Variants in MINDY2 observed in about 807,000 individuals in gnomAD.
The protein encoded by MINDY2 is MINDY lysine 48 deubiquitinase 2.
MINDY2 carries 52 observed loss-of-function variants against 68.2 expected under a neutral mutation model. The observed-to-expected ratio is 0.76, with a 90% CI of 0.61 to 0.96. The LOEUF (loss-of-function observed/expected upper bound fraction) is 0.96. MINDY2 is among the 40% of genes least tolerant of loss of function. The pLI is 0.00. For synonymous variants in MINDY2, 372 were observed against 303.0 expected (o/e 1.23, Z -2.36); for missense variants, 881 against 773.4 (o/e 1.14, Z -1.65).
intron 7 of MINDY2, among the ~76,000 whole-genome samples, chr15:58,847,743 C>T (rs1383770931): frequency 6.6e-6 from 1 of 152,184 alleles, no homozygotes; most frequent in Non-Finnish European, 1.5e-5. Context: ...GTATTAAACA[C>T]AGAAGTGATG....
chr15:58,831,733 G>A (rs1371157412), intron 5 of MINDY2, 41 bp from the exon 6 acceptor site: 1 of 1,547,278 alleles, frequency 6.5e-7, no homozygotes, highest in Non-Finnish European at 8.7e-7. Flanking sequence ...TTTTGATTTT[G>A]AAATTATTCT....
intron 6 of MINDY2, among the ~76,000 whole-genome samples, chr15:58,844,563 A>T (rs1442250762): frequency 1.4e-5 from 2 of 144,184 alleles, no homozygotes; most frequent in African/African-American, 5.1e-5. Flanking sequence ...CCGTCTCAAA[A>T]AAAAAAAAAA....
rs1400372785 is a variant in MINDY2, at chr15:58,845,841, A to G, written c.1369-1456A>G. Among the ~76,000 whole-genome samples, 4 of 152,258 alleles carry G rather than the reference A, an allele frequency of 2.6e-5. No individual in the cohort carries two copies. In the South Asian group the frequency reaches 8.3e-4, roughly 31 times the overall value. On this transcript the variant is annotated intron_variant, in intron 6 of 8. Coordinates refer to ENST00000559228, the MANE Select transcript of MINDY2 (RefSeq NM_001040450.3). Reference sequence around the variant, plus strand: ...TGGATAAAGAAAATGTGGTACACATACACAACGGAGCACTATTCACACACA... The same window carrying G: ...TGGATAAAGAAAATGTGGTACACATGCACAACGGAGCACTATTCACACACA...
chr15:58,771,778 A>T lies in MINDY2; in HGVS notation c.383A>T (p.Asp128Val). ...GVGHELGTAG[D>V]AGARPDLAGT... is the part of the protein sequence containing the mutation. ...GGTCATGAGTTGGGTACCGCCGGAG[A>T]CGCGGGAGCCCGCCCGGATCTCGCC... Residue 128 changes from aspartate (D) to valine (V), a missense_variant, in exon 1 of 9, where the codon GAC (aspartate) becomes GTC (valine). Transcript: ENST00000559228. 6.2e-7 allele frequency: 1 copy of T among 1,610,608 alleles called. No individual in the cohort carries two copies. Among genetic ancestry groups the T allele is most frequent in the Non-Finnish European group, 8.5e-7 (1 of 1,179,138 alleles).
rs564081532 is a variant in MINDY2 at position 58,858,650 on chromosome 15, G to A, written c.*4040G>A. The A allele has an allele frequency of 5.3e-5, 8 of 152,142 alleles. No individual in the cohort carries two copies. In the South Asian group the frequency reaches 8.3e-4, roughly 16 times the overall value. 9.4% of individuals were successfully genotyped at this position (152,142 alleles called of 1,614,324 possible). On this transcript the variant is annotated 3_prime_UTR_variant, in exon 9 of 9. Coordinates refer to ENST00000559228, the MANE Select transcript of MINDY2 (RefSeq NM_001040450.3). ...TTAAGTTTTGTTAAAAAGCAAAAGC[G>A]AATTGATTACATTTGATTAACTTTT...
intron 6 of MINDY2, among the ~76,000 whole-genome samples, chr15:58,832,466 T>G (rs1337947857): frequency 6.6e-6 from 1 of 151,564 alleles, no homozygotes; most frequent in Non-Finnish European, 1.5e-5. Context: ...TGACCTCAGG[T>G]GATCGCCCGC....
intron 2 of MINDY2, 91 bp downstream of exon 2, chr15:58,788,054 T>C: frequency 1.3e-6 from 1 of 782,526 alleles, no homozygotes; most frequent in South Asian, 2.1e-5. Flanking sequence ...TGAAGTGCTA[T>C]TATATAATCT....
intron 6 of MINDY2, among the ~76,000 whole-genome samples, chr15:58,842,867 T>G (rs1440586918): frequency 6.6e-6 from 1 of 152,198 alleles, no homozygotes; most frequent in Non-Finnish European, 1.5e-5. Flanking sequence ...CAAGACCATT[T>G]AGCTTATCAG....
At chr15:58,809,381 C>G (rs2030059087) in intron 3 of MINDY2, among the ~76,000 whole-genome samples, 1 of 151,956 alleles carries the variant, frequency 6.6e-6, no homozygotes, top group African/African-American at 2.4e-5. Flanking sequence ...CAAGGTTCAT[C>G]TGGTTGTAGC....
intron 3 of MINDY2, among the ~76,000 whole-genome samples, chr15:58,803,387 G>C (rs1257099479): frequency 6.6e-6 from 1 of 151,644 alleles, no homozygotes; most frequent in Non-Finnish European, 1.5e-5. Flanking sequence ...AGAATCACTT[G>C]ATCCCAGGAG....
At chr15:58,828,373 T>A (rs1335071002) in intron 5 of MINDY2, among the ~76,000 whole-genome samples, 4 of 152,064 alleles carry the variant, frequency 2.6e-5, no homozygotes, top group African/African-American at 9.7e-5. Context: ...TGAACACAAA[T>A]CTGAGACAGG....
intron 6 of MINDY2, among the ~76,000 whole-genome samples, chr15:58,833,834 G>T (rs564798084): frequency 6.6e-6 from 1 of 152,040 alleles, no homozygotes; most frequent in South Asian, 2.1e-4. Flanking sequence ...ACTGCAAAGA[G>T]GCGTTCCTTC....
intron 4 of MINDY2, among the ~76,000 whole-genome samples, chr15:58,821,022 C>T (rs1185977452): frequency 6.6e-6 from 1 of 151,102 alleles, no homozygotes; most frequent in Non-Finnish European, 1.5e-5. Context: ...TCTTTTTCTT[C>T]TATAGTCAAA....
intron 6 of MINDY2, among the ~76,000 whole-genome samples, chr15:58,836,222 A>G (rs953720974): frequency 4.6e-5 from 7 of 151,390 alleles, no homozygotes; most frequent in African/African-American, 1.7e-4. Context: ...TTGCATCTCA[A>G]AATTAACTAT....
intron 2 of MINDY2, among the ~76,000 whole-genome samples, chr15:58,791,243 A>ATATATATATATATG (rs1567043791): frequency 9.6e-5 from 9 of 94,218 alleles, no homozygotes; most frequent in Non-Finnish European, 1.5e-4. Context: ...ATATATATAT[A>ATATATATATATATG]TATATATATA....
intron 6 of MINDY2, 28 bp from the exon 7 acceptor site, chr15:58,847,269 C>G (rs1160029077): frequency 6.6e-7 from 1 of 1,516,202 alleles, no homozygotes; most frequent in African/African-American, 1.4e-5. Flanking sequence ...ATTTAACAGT[C>G]CTTTTTCTTT....
chr15:58,849,524 G>C (rs1389388893), intron 7 of MINDY2, among the ~76,000 whole-genome samples: 2 of 152,064 alleles, frequency 1.3e-5, no homozygotes, highest in African/African-American at 4.8e-5. Flanking sequence ...AAAAACTGGA[G>C]AAGGGGAATG....
At position 58,856,322 on chromosome 15, in the gene MINDY2, T is replaced by G. The variant is rs2033060498; in HGVS notation, c.*1712T>G. On this transcript the variant is annotated 3_prime_UTR_variant, in exon 9 of 9. Coordinates refer to ENST00000559228, the MANE Select transcript of MINDY2 (RefSeq NM_001040450.3). ...CACAAAAATGTGTGGTCTGGATTTT[T>G]TCAACTATGTCATTAACTTTATGAT... 6.6e-6 allele frequency: 1 copy of G among 152,610 alleles called. No homozygotes were observed. Among genetic ancestry groups the G allele is most frequent in the Non-Finnish European group, 1.5e-5 (1 of 68,040 alleles). 9.5% of individuals were successfully genotyped at this position (152,610 alleles called of 1,614,324 possible). A position where few individuals can be genotyped will look rare whatever the true frequency, so the allele number is the denominator to read the frequency against.
intron 1 of MINDY2, among the ~76,000 whole-genome samples, chr15:58,785,159 GAA>G (rs376512131): frequency 1.2e-3 from 89 of 74,594 alleles, no homozygotes; most frequent in East Asian, 2.7e-3. Flanking sequence ...AAAAAAAAAA[GAA>G]AAGCAAGCTT....
Sources: gnomAD v4.1 joint callset for allele counts (sites outside exome capture counted in the v4.1 genomes callset) on GRCh38, gnomAD v4.1.1 for gene constraint, MANE v1.5 for transcripts, NCBI Gene and HGNC (gene_info 2026-07-23, HGNC 2026-07-21) for gene names.